The following TDRD9 variants were observed in gnomAD, a reference collection of about 807,000 sequenced individuals.
The protein encoded by TDRD9 is tudor domain containing 9.
A neutral mutation model predicts 172.6 loss-of-function variants in TDRD9; 124 were observed. That is an observed-to-expected ratio of 0.72 (90% CI 0.62 to 0.83). The LOEUF is 0.83. Ranked by LOEUF, TDRD9 falls within the 40% of genes least tolerant of loss-of-function variation. The pLI is 0.00. For missense variants in TDRD9, 1,479 were observed against 1,714.1 expected (o/e 0.86, Z 2.42); for synonymous variants, 619 against 617.1 (o/e 1.00, Z -0.05).
At position 103,968,885 on chromosome 14, in the gene TDRD9, G is replaced by A. The variant is rs535146663; in HGVS notation, c.766-1656G>A. On this transcript the variant is annotated intron_variant, in intron 5 of 35. Coordinates refer to ENST00000409874, the MANE Select transcript of TDRD9 (RefSeq NM_153046.3). ...GGAGGCCGAGGTGGGCGGATCACCA[G>A]GTCAGGAGATTGAGACCATCTTGGC... Among the ~76,000 whole-genome samples the A allele has an allele frequency of 4.7e-5, 7 of 149,614 alleles. No homozygotes were observed. The South Asian group carries it at 1.5e-3, about 32-fold the overall frequency.
intron 31 of TDRD9, among the ~76,000 whole-genome samples, 191 bp downstream of exon 31, chr14:104,034,260 G>C (rs939057756): frequency 7.1e-6 from 1 of 140,046 alleles, no homozygotes; most frequent in African/African-American, 2.7e-5. Context: ...GCGCGATCTC[G>C]GCTCACTGCA....
intron 24 of TDRD9, among the ~76,000 whole-genome samples, chr14:104,024,057 T>C (rs2035042120): frequency 6.6e-6 from 1 of 152,218 alleles, no homozygotes; most frequent in Non-Finnish European, 1.5e-5. Context: ...ATTCCAGAAG[T>C]TTAGCATTTA....
chr14:104,026,217 C>T (rs2035113135), intron 27 of TDRD9, 81 bp downstream of exon 27: 1 of 971,348 alleles, frequency 1.0e-6, no homozygotes, highest in Admixed American at 1.9e-5. Flanking sequence ...ATATGGTGCC[C>T]TGCCTCGGCT....
intron 1 of TDRD9, among the ~76,000 whole-genome samples, chr14:103,954,623 G>A (rs1464469916): frequency 2.6e-5 from 4 of 152,098 alleles, no homozygotes; most frequent in African/African-American, 7.2e-5. Context: ...TTAGTTTTTA[G>A]TTTTTATTTG....
chr14:103,959,874 T>A (rs2032428620), intron 2 of TDRD9, among the ~76,000 whole-genome samples: 1 of 152,206 alleles, frequency 6.6e-6, no homozygotes, highest in Non-Finnish European at 1.5e-5. Flanking sequence ...CCTGAAGGGT[T>A]CTGTTGCTTT....
rs573152520 is a variant in TDRD9 at position 103,962,064 on chromosome 14, A to G, written c.323-1015A>G. Among the ~76,000 whole-genome samples, 52 of 152,328 alleles carry G rather than the reference A, an allele frequency of 3.4e-4. 1 individual carries two copies. The highest frequency in any genetic ancestry group is 7.2e-4 in the Non-Finnish European group (49 of 68,036). On this transcript the variant is annotated intron_variant, in intron 2 of 35. Transcript: ENST00000409874. The stretch of plus-strand genomic sequence containing the variant: ...GTTTTGATGATTTGCCAGTTTGTCA[A>G]GTGATGACCAGAGGTTTAGAATTTG...
intron 1 of TDRD9, among the ~76,000 whole-genome samples, chr14:103,936,146 A>G (rs2030748395): frequency 1.3e-5 from 2 of 152,152 alleles, no homozygotes; most frequent in Admixed American, 1.3e-4. Flanking sequence ...CAGTGGCACA[A>G]TAACGTTTCA....
rs1447516701 is a variant in TDRD9 at position 104,052,437 on chromosome 14, G to A, written c.*355G>A. 1.8e-5 allele frequency: 3 copies of A among 166,754 alleles called. No individual in the cohort carries two copies. Among genetic ancestry groups the A allele is most frequent in the African/African-American group, 7.2e-5 (3 of 41,830 alleles). 10.3% of individuals were successfully genotyped at this position (166,754 alleles called of 1,614,324 possible). On this transcript the variant is annotated 3_prime_UTR_variant, in exon 36 of 36. Transcript: ENST00000409874. ...TCTTAGATGTAAGGTTCCAGAATGT[G>A]CTTACATATTCTGTTCTGTTACAGT...
chr14:103,939,051 G>A (rs1402491687), intron 1 of TDRD9, among the ~76,000 whole-genome samples: 3 of 151,954 alleles, frequency 2.0e-5, no homozygotes, highest in East Asian at 1.9e-4. Flanking sequence ...GCTAGGATTC[G>A]TTTTCATCCT....
At chr14:104,031,944 T>A in intron 29 of TDRD9, 73 bp from the exon 30 acceptor site, 1 of 1,041,092 alleles carries the variant, frequency 9.6e-7, no homozygotes, top group Non-Finnish European at 1.4e-6. Flanking sequence ...ATGAGCTGAC[T>A]TTTGAGTTTT....
chr14:104,036,123 A>G (rs1336348421), intron 32 of TDRD9, among the ~76,000 whole-genome samples: 2 of 152,132 alleles, frequency 1.3e-5, no homozygotes, highest in Admixed American at 1.3e-4. Flanking sequence ...TTGTATATAC[A>G]TATTTTTATT....
intron 4 of TDRD9, 82 bp downstream of exon 4, chr14:103,965,636 G>A (rs2032708731): frequency 7.8e-7 from 1 of 1,283,698 alleles, no homozygotes; most frequent in Admixed American, 2.1e-5. Context: ...TTCTGTGTAA[G>A]TTGATAGTAT....
At chr14:103,965,680 C>A in intron 4 of TDRD9, 126 bp downstream of exon 4, 1 of 861,944 alleles carries the variant, frequency 1.2e-6, no homozygotes, top group Non-Finnish European at 1.8e-6. Context: ...AGTTGTGTCT[C>A]ATGCCTGTAA....
chr14:104,030,246 A>G (rs1015138064), intron 28 of TDRD9, among the ~76,000 whole-genome samples: 2 of 152,236 alleles, frequency 1.3e-5, no homozygotes, highest in Non-Finnish European at 2.9e-5. Context: ...TAATCCCAGC[A>G]TTTTGGGAGG....
At chr14:104,003,820 T>G (rs2034342475) in intron 13 of TDRD9, among the ~76,000 whole-genome samples, 1 of 152,124 alleles carries the variant, frequency 6.6e-6, no homozygotes, top group South Asian at 2.1e-4. Context: ...AAGCACAGGG[T>G]GCTGAGACAG....
chr14:103,934,983 T>C (rs1323962181), intron 1 of TDRD9, among the ~76,000 whole-genome samples: 1 of 152,174 alleles, frequency 6.6e-6, no homozygotes, highest in Admixed American at 6.5e-5. Flanking sequence ...TGATGCTCCT[T>C]GAGGTAGGAG....
intron 2 of TDRD9, among the ~76,000 whole-genome samples, chr14:103,958,865 A>G (rs1228638534): frequency 6.6e-6 from 1 of 152,096 alleles, no homozygotes; most frequent in African/African-American, 2.4e-5. Context: ...AAACTAACAC[A>G]CTTGTATTGG....
chr14:104,031,037 T>A, intron 28 of TDRD9, 71 bp from the exon 29 acceptor site: 15 of 1,362,436 alleles, frequency 1.1e-5, no homozygotes, highest in Non-Finnish European at 1.4e-5. Context: ...CTATGAAATA[T>A]TTTGATTAGT....
At chr14:103,941,575 G>A (rs910152645) in intron 1 of TDRD9, 26 of 1,534,742 alleles carry the variant, frequency 1.7e-5, no homozygotes, top group Middle Eastern at 3.3e-4. Flanking sequence ...AATCTCTCTC[G>A]CTCCTTTAGG....
Sources: allele counts gnomAD v4.1 joint callset (sites outside exome capture counted in the v4.1 genomes callset), GRCh38; gene constraint gnomAD v4.1.1; transcripts MANE v1.5; gene names NCBI Gene and HGNC (gene_info 2026-07-23, HGNC 2026-07-21).